The following ELOVL2 variants were observed in gnomAD, a reference collection of about 807,000 sequenced individuals.
ELOVL2 encodes the protein ELOVL fatty acid elongase 2, also known as very long chain fatty acid elongase 2.
In ELOVL2, 38 loss-of-function variants were observed where a neutral mutation model predicts 37.7. The ratio of observed to expected loss-of-function variants is 1.01; its 90% confidence interval spans 0.78 to 1.32. The LOEUF is 1.32. ELOVL2 is among the 40% of genes most tolerant of loss of function. ELOVL2 has a pLI of 0.00. For synonymous variants in ELOVL2, 115 were observed against 122.3 expected (o/e 0.94, Z 0.40); for missense variants, 352 against 363.6 (o/e 0.97, Z 0.26).
chr6:10,988,525 T>C (rs143617446), intron 7 of ELOVL2, among the ~76,000 whole-genome samples: 1 of 152,242 alleles, frequency 6.6e-6, no homozygotes, highest in African/African-American at 2.4e-5. Flanking sequence ...GACTGCGCCA[T>C]TGCACTCCAG....
chr6:11,025,974 C>T (rs762754266), intron 1 of ELOVL2, among the ~76,000 whole-genome samples: 4 of 152,094 alleles, frequency 2.6e-5, no homozygotes, highest in Admixed American at 6.5e-5. Context: ...AGGGTCAGTT[C>T]GGTAACTCTA....
chr6:10,991,434 C>CT (rs58988487), intron 5 of ELOVL2, among the ~76,000 whole-genome samples: 80,971 of 151,854 alleles, frequency 0.53, 22,589 homozygotes, highest in East Asian at 0.91. Context: ...ATTGATTTGA[C>CT]GTAAATTTTT....
At chr6:11,019,509 A>T (rs942092219) in intron 1 of ELOVL2, among the ~76,000 whole-genome samples, 1 of 152,126 alleles carries the variant, frequency 6.6e-6, no homozygotes, top group Non-Finnish European at 1.5e-5. Context: ...GCTTTCTGGG[A>T]TTTGATTTAG....
intron 1 of ELOVL2, among the ~76,000 whole-genome samples, chr6:11,034,682 C>CAATAAATA (rs201500784): frequency 6.8e-6 from 1 of 146,954 alleles, no homozygotes; most frequent in Non-Finnish European, 1.5e-5. Flanking sequence ...GACTTTTTCT[C>CAATAAATA]AATAAATAAA....
intron 4 of ELOVL2, among the ~76,000 whole-genome samples, chr6:10,996,317 T>C (rs748399258): frequency 6.6e-6 from 1 of 152,222 alleles, no homozygotes; most frequent in Non-Finnish European, 1.5e-5. Context: ...AACTGTATGG[T>C]ATGCACTGGT....
intron 3 of ELOVL2, among the ~76,000 whole-genome samples, chr6:11,003,130 G>C (rs376265841): frequency 6.6e-6 from 1 of 152,178 alleles, no homozygotes; most frequent in East Asian, 1.9e-4. Context: ...CCCTTCTGCT[G>C]CTGCTGTCAC....
intron 5 of ELOVL2, among the ~76,000 whole-genome samples, chr6:10,994,227 G>C (rs1249962785): frequency 2.0e-5 from 3 of 151,942 alleles, no homozygotes; most frequent in Non-Finnish European, 4.4e-5. Context: ...ACCACTTTAG[G>C]AGGCTGAGGC....
chr6:11,044,209 G>T lies in ELOVL2; in HGVS notation c.3+19C>A. On this transcript the variant is annotated intron_variant, in intron 1 of 7. Coordinates refer to ENST00000354666, the MANE Select transcript of ELOVL2 (RefSeq NM_017770.4). This position sits in a 1 kb window ranked among gnomAD's most constrained non-coding sequence, Gnocchi z 5.6. ...AAGAAAGCGCGGCGGTGTCGGTGGC[G>T]GCGCGCGGCCCCACTCACCATGATC... 6.9e-7 allele frequency: 1 copy of T among 1,447,444 alleles called. No homozygotes were observed. 89.7% of individuals were successfully genotyped at this position (1,447,444 alleles called of 1,614,324 possible).
At chr6:11,013,180 C>T (rs1480408033) in intron 1 of ELOVL2, among the ~76,000 whole-genome samples, 1 of 152,100 alleles carries the variant, frequency 6.6e-6, no homozygotes, top group Non-Finnish European at 1.5e-5. Flanking sequence ...GAACCACAGC[C>T]AATGCTGGGA....
intron 1 of ELOVL2, among the ~76,000 whole-genome samples, chr6:11,013,695 C>T (rs144477744): frequency 9.0e-4 from 137 of 152,058 alleles, no homozygotes; most frequent in African/African-American, 3.0e-3. Context: ...AGAACTGCCA[C>T]ACGACAGAAG....
chr6:11,022,020 T>C (rs1330063709), intron 1 of ELOVL2, among the ~76,000 whole-genome samples: 1 of 152,188 alleles, frequency 6.6e-6, no homozygotes, highest in Non-Finnish European at 1.5e-5. Flanking sequence ...ATAGGGGGTC[T>C]GTCGCTTGGG....
intron 7 of ELOVL2, among the ~76,000 whole-genome samples, chr6:10,986,622 T>G: frequency 6.6e-6 from 1 of 152,036 alleles, no homozygotes. Flanking sequence ...GGTTTTTGTC[T>G]TTGGTTCTGT....
chr6:11,032,795 C>G (rs4640881), intron 1 of ELOVL2, among the ~76,000 whole-genome samples: 31,792 of 152,042 alleles, frequency 0.21, 3,434 homozygotes, highest in Middle Eastern at 0.31. Context: ...AGATAATACA[C>G]AAGTAAACAA....
At chr6:10,984,958 C>G (rs960475748) in intron 7 of ELOVL2, among the ~76,000 whole-genome samples, 4 of 152,180 alleles carry the variant, frequency 2.6e-5, no homozygotes, top group Non-Finnish European at 2.9e-5. Context: ...AAGGGTTGAA[C>G]TAGTTTACAG....
intron 1 of ELOVL2, among the ~76,000 whole-genome samples, chr6:11,034,902 C>T (rs954588584): frequency 6.6e-6 from 1 of 152,022 alleles, no homozygotes; most frequent in African/African-American, 2.4e-5. Context: ...ACTCTGGAGG[C>T]TGAGGCAGGA....
At chr6:11,010,463 A>G (rs2113522387) in intron 2 of ELOVL2, among the ~76,000 whole-genome samples, 1 of 152,270 alleles carries the variant, frequency 6.6e-6, no homozygotes, top group East Asian at 1.9e-4. Context: ...GAAAGTTACA[A>G]CCCGGCTTTG....
intron 1 of ELOVL2, among the ~76,000 whole-genome samples, chr6:11,039,162 A>G (rs1190820512): frequency 6.6e-6 from 1 of 152,256 alleles, no homozygotes; most frequent in African/African-American, 2.4e-5. Context: ...TAACAAAACA[A>G]TCTTGTGACA....
chr6:10,994,807 G>A (rs1324718414), intron 5 of ELOVL2, among the ~76,000 whole-genome samples, 200 bp downstream of exon 5: 1 of 152,104 alleles, frequency 6.6e-6, no homozygotes, highest in East Asian at 1.9e-4. Context: ...TTTAAGGTTC[G>A]GCCCAGATTT....
chr6:11,028,988 G>A (rs1782877612), intron 1 of ELOVL2, among the ~76,000 whole-genome samples: 1 of 149,952 alleles, frequency 6.7e-6, no homozygotes, highest in South Asian at 2.1e-4. Flanking sequence ...TTCAGGGTGG[G>A]GCATCACTTA....
Sources: gnomAD v4.1 joint callset for allele counts (sites outside exome capture counted in the v4.1 genomes callset) on GRCh38, gnomAD v4.1.1 for gene constraint, Gnocchi (gnomAD v3.1) non-coding constraint, MANE v1.5 for transcripts, NCBI Gene and HGNC (gene_info 2026-07-23, HGNC 2026-07-21) for gene names.